The following ABCA13 variants were observed in gnomAD, a reference collection of about 807,000 sequenced individuals.
ABCA13 encodes ATP binding cassette subfamily A member 13.
A neutral mutation model predicts 478.7 loss-of-function variants in ABCA13; 476 were observed. The ratio of observed to expected loss-of-function variants is 0.99; its 90% CI spans 0.92 to 1.07. The LOEUF is 1.07. ABCA13 is among the 50% of genes least tolerant of loss of function. ABCA13 has a pLI of 0.00. For missense variants in ABCA13, 6,060 were observed against 5,910.6 expected (o/e 1.03, Z -0.83); for synonymous variants, 2,252 against 2,158.9 (o/e 1.04, Z -1.20).
chr7:48,290,672 C>A (rs570772079), intron 20 of ABCA13, among the ~76,000 whole-genome samples: 1 of 152,124 alleles, frequency 6.6e-6, no homozygotes, highest in South Asian at 2.1e-4. Flanking sequence ...AATTAATTTG[C>A]ATGCAGTTAC....
chr7:48,331,352 T>C (rs956931636), intron 27 of ABCA13, among the ~76,000 whole-genome samples: 1 of 152,208 alleles, frequency 6.6e-6, no homozygotes, highest in Non-Finnish European at 1.5e-5. Flanking sequence ...CTGACACACT[T>C]TTAGTTGGGA....
intron 56 of ABCA13, among the ~76,000 whole-genome samples, chr7:48,581,956 C>T (rs1203453970): frequency 6.6e-6 from 1 of 152,100 alleles, no homozygotes; most frequent in African/African-American, 2.4e-5. Flanking sequence ...ACAAGATGTC[C>T]AGAAAGAATT....
intron 58 of ABCA13, among the ~76,000 whole-genome samples, chr7:48,599,926 TCAGCAA>T (rs1585935146): frequency 5.9e-5 from 1 of 16,916 alleles, no homozygotes; most frequent in South Asian, 1.3e-3. Flanking sequence ...ATACAGCAAG[TCAGCAA>T]GTTAGCTTGA....
intron 6 of ABCA13, 44 bp from the exon 7 acceptor site, chr7:48,229,781 C>T: frequency 6.2e-7 from 1 of 1,610,452 alleles, no homozygotes; most frequent in Middle Eastern, 1.7e-4. Context: ...ACTTGTTTTG[C>T]TAACTACCCA....
intron 58 of ABCA13, among the ~76,000 whole-genome samples, chr7:48,598,380 C>A (rs572829834): frequency 2.0e-5 from 3 of 152,166 alleles, no homozygotes; most frequent in Non-Finnish European, 4.4e-5. Context: ...TTGAATAAAG[C>A]TGCTTAAGGA....
chr7:48,275,185 C>T lies in ABCA13; in HGVS notation c.5519C>T (p.Pro1840Leu). The T allele has an allele frequency of 1.2e-6, 2 of 1,613,888 alleles. No individual in the cohort carries two copies. Among genetic ancestry groups the T allele is most frequent in the South Asian group, 1.1e-5 (1 of 91,078 alleles). The change falls in exon 17 of 62, where the codon CCC (proline) becomes CTC (leucine). Residue 1840 changes from proline (P) to leucine (L), a missense_variant. Physicochemically the swap from Pro to Leu is moderately conservative, Grantham distance 98. Transcript: ENST00000435803. ...SGFRQNSKID[P>L]CNVHGLMSSS... Reference sequence around the variant, plus strand: ...TTTCGGCAGAATTCAAAGATAGACCCCTGCAATGTCCATGGGCTCATGTCT... The same window carrying T: ...TTTCGGCAGAATTCAAAGATAGACCTCTGCAATGTCCATGGGCTCATGTCT...
chr7:48,293,180 G>C (rs1748529289), intron 20 of ABCA13, among the ~76,000 whole-genome samples: 1 of 141,218 alleles, frequency 7.1e-6, no homozygotes, highest in Non-Finnish European at 1.5e-5. Flanking sequence ...ATCATTTCCT[G>C]AGAAGTCTTC....
chr7:48,316,923 C>T (rs1192252156), intron 26 of ABCA13, among the ~76,000 whole-genome samples: 1 of 152,164 alleles, frequency 6.6e-6, no homozygotes, highest in East Asian at 1.9e-4. Context: ...GATCTGCCCC[C>T]AAGATCTAAA....
intron 38 of ABCA13, among the ~76,000 whole-genome samples, chr7:48,394,318 G>T (rs562762165): frequency 3.3e-5 from 5 of 152,074 alleles, no homozygotes; most frequent in African/African-American, 1.2e-4. Flanking sequence ...TCATTGTGTG[G>T]TGCCTGCTGC....
chr7:48,404,427 A>G (rs1401129922), intron 39 of ABCA13: 1 of 185,674 alleles, frequency 5.4e-6, no homozygotes, highest in Non-Finnish European at 1.1e-5. Flanking sequence ...GCTAGGAAGC[A>G]TTGTTCTATG....
intron 54 of ABCA13, among the ~76,000 whole-genome samples, chr7:48,528,020 G>T (rs1477748297): frequency 6.6e-6 from 1 of 152,054 alleles, no homozygotes; most frequent in Admixed American, 6.6e-5. Flanking sequence ...TACCATTCAA[G>T]TGCCATGATG....
chr7:48,281,239 G>A, intron 18 of ABCA13, 104 bp from the exon 19 acceptor site: 1 of 856,758 alleles, frequency 1.2e-6, no homozygotes, highest in Non-Finnish European at 1.9e-6. Flanking sequence ...CAGGGAGGGA[G>A]GATGGTTCTT....
rs376794920 is a variant in ABCA13, at chr7:48,245,556, T to C, written c.1435T>C (p.Phe479Leu). The change falls in exon 12 of 62, where the codon TTT becomes CTT. Residue 479 changes from phenylalanine to leucine, a missense_variant. Around this residue, in one of 3 missense-constraint regions of ABCA13, gnomAD observed 4,423 missense variants for 4,309.1 expected, o/e 1.03. Transcript: ENST00000435803. ...GACATCAGCTAATGATTTTAAATGG[T>C]TTGAACTTAACCAATTGAAACTGGA... is the stretch of plus-strand genomic sequence containing the variant. Reference protein sequence around the residue: ...LETSANDFKWFELNQLKLEKD... With the variant: ...LETSANDFKWLELNQLKLEKD... 2.4e-4 allele frequency: 388 copies of C among 1,613,250 alleles called. No homozygotes were observed. The highest frequency in any genetic ancestry group is 3.0e-4 in the Non-Finnish European group (359 of 1,179,680).
At chr7:48,374,637 C>G (rs927111430) in intron 34 of ABCA13, among the ~76,000 whole-genome samples, 1 of 152,206 alleles carries the variant, frequency 6.6e-6, no homozygotes, top group African/African-American at 2.4e-5. Flanking sequence ...GCTTCAGACA[C>G]TATCCAGGTC....
At chr7:48,242,604 A>G (rs1431800207) in intron 10 of ABCA13, among the ~76,000 whole-genome samples, 2 of 152,020 alleles carry the variant, frequency 1.3e-5, no homozygotes, top group Non-Finnish European at 2.9e-5. Context: ...CTGCCCAGCT[A>G]ATTTTTGCAT....
chr7:48,452,765 T>C (rs1825196460), intron 42 of ABCA13, among the ~76,000 whole-genome samples: 1 of 152,230 alleles, frequency 6.6e-6, no homozygotes, highest in African/African-American at 2.4e-5. Context: ...TATGGCATTT[T>C]ACCTTGTCAG....
At chr7:48,567,520 C>T (rs1585834795) in intron 55 of ABCA13, among the ~76,000 whole-genome samples, 1 of 151,950 alleles carries the variant, frequency 6.6e-6, no homozygotes. Context: ...TTATATAAAA[C>T]CTTTTTTAGA....
At chr7:48,375,762 ATGAGT>A (rs1459083903) in intron 34 of ABCA13, among the ~76,000 whole-genome samples, 2 of 152,178 alleles carry the variant, frequency 1.3e-5, no homozygotes, top group Non-Finnish European at 2.9e-5. Flanking sequence ...TCTTTTACAG[ATGAGT>A]AATCTTGAAT....
Position 48,268,850 on chromosome 7 carries a change from C to CTTT in ABCA13, c.2006-109_2006-107dup, listed in dbSNP as rs57201740. The CTTT allele has an allele frequency of 5.5e-3, 1,337 of 244,964 alleles. 5 individuals carry two copies. The highest frequency in any genetic ancestry group is 0.013 in the Middle Eastern group (9 of 686). 15.2% of individuals were successfully genotyped at this position (244,964 alleles called of 1,614,324 possible). A position where few individuals can be genotyped will look rare whatever the true frequency, so the allele number is the denominator to read the frequency against. On this transcript the variant is annotated intron_variant, in intron 15 of 61. Coordinates refer to ENST00000435803, the MANE Select transcript of ABCA13 (RefSeq NM_152701.5). ...GTCAAATTAGAAGATTCCTACTCAT[C>CTTT]TTTTTTTTTTTTTTTTTTTTTTTAA...
Sources: allele counts gnomAD v4.1 joint callset (sites outside exome capture counted in the v4.1 genomes callset), GRCh38; gene constraint gnomAD v4.1.1; regional missense constraint gnomAD v4.1.1; transcripts MANE v1.5; gene names NCBI Gene and HGNC (gene_info 2026-07-23, HGNC 2026-07-21).